CACNA2D3: variants seen among roughly 807,000 people sequenced by gnomAD.
CACNA2D3 encodes the protein calcium voltage-gated channel auxiliary subunit alpha2delta 3.
Under a neutral mutation model 160.6 loss-of-function variants are expected in CACNA2D3, and 60 were observed. The observed-to-expected ratio is 0.37, with a 90% CI of 0.30 to 0.46. The LOEUF is 0.46. Among genes scored for constraint, CACNA2D3 ranks in the 20% least tolerant of loss-of-function variants. The pLI is 1.00. For missense variants in CACNA2D3, 1,205 were observed against 1,365.0 expected, an observed-to-expected ratio of 0.88 and a Z score of 1.85; for synonymous variants, 558 against 492.9, an observed-to-expected ratio of 1.13 and a Z score of -1.75.
intron 9 of CACNA2D3, among the ~76,000 whole-genome samples, chr3:54,583,860 A>G (rs1702717468): frequency 1.3e-5 from 2 of 152,044 alleles, no homozygotes; most frequent in South Asian, 2.1e-4. Flanking sequence ...TATCCTGAAT[A>G]GAGCATTCCA....
At chr3:54,414,218 C>A (rs1468361304) in intron 4 of CACNA2D3, among the ~76,000 whole-genome samples, 2 of 151,868 alleles carry the variant, frequency 1.3e-5, no homozygotes, top group East Asian at 1.9e-4. Flanking sequence ...CTTATTCATT[C>A]CAAAAGAACT....
intron 35 of CACNA2D3, among the ~76,000 whole-genome samples, chr3:55,039,332 G>A (rs1290765202): frequency 6.6e-6 from 1 of 152,146 alleles, no homozygotes; most frequent in Non-Finnish European, 1.5e-5. Context: ...AAAAGACGCA[G>A]AAGAGTGAGA....
At chr3:54,529,493 G>A (rs925491144) in intron 5 of CACNA2D3, among the ~76,000 whole-genome samples, 1 of 152,342 alleles carries the variant, frequency 6.6e-6, no homozygotes. Context: ...TGAGCATGCT[G>A]ACATCAGCGG....
intron 3 of CACNA2D3, among the ~76,000 whole-genome samples, chr3:54,347,465 A>G (rs925852696): frequency 5.9e-5 from 9 of 152,204 alleles, no homozygotes; most frequent in Non-Finnish European, 1.0e-4. Flanking sequence ...AGTTCTTTAG[A>G]CGGCAACTTA....
At chr3:54,249,126 T>C (rs1702134594) in intron 2 of CACNA2D3, among the ~76,000 whole-genome samples, 1 of 152,168 alleles carries the variant, frequency 6.6e-6, no homozygotes, top group East Asian at 1.9e-4. Context: ...TTTCTAGTGT[T>C]GGATTTGGTT....
intron 4 of CACNA2D3, among the ~76,000 whole-genome samples, chr3:54,462,245 T>C (rs1700520130): frequency 6.6e-6 from 1 of 152,214 alleles, no homozygotes; most frequent in African/African-American, 2.4e-5. Flanking sequence ...GAAAAAAATG[T>C]ATATTCTGTT....
At chr3:54,423,138 C>T (rs956826923) in intron 4 of CACNA2D3, among the ~76,000 whole-genome samples, 13 of 152,018 alleles carry the variant, frequency 8.6e-5, no homozygotes, top group African/African-American at 2.7e-4. Flanking sequence ...TAGCTAAATA[C>T]GTCTATCATG....
chr3:54,493,060 C>CTTTTTT lies in CACNA2D3; in HGVS notation c.382-10403_382-10398dup, dbSNP rs34225864. On this transcript the variant is annotated intron_variant, in intron 4 of 37. Transcript: ENST00000474759. ...TGTATGTGGGAGGTATTGCTCAAAACTTTTTTTTTTTTTTTTTTTTTTTTT... is the reference window on the plus strand; with the variant it reads ...TGTATGTGGGAGGTATTGCTCAAAACTTTTTTTTTTTTTTTTTTTTTTTTTTTTTTT... Among the ~76,000 whole-genome samples the CTTTTTT allele has an allele frequency of 3.1e-4, 18 of 58,796 alleles. 3 individuals are homozygous for CTTTTTT. The highest frequency in any genetic ancestry group is 1.4e-3 in the African/African-American group (18 of 13,018). The allele number at this position is 58,796 out of a possible 152,430, so 38.6% of individuals were successfully genotyped here.
chr3:54,975,201 T>G (rs1702360556), intron 29 of CACNA2D3, among the ~76,000 whole-genome samples: 1 of 152,150 alleles, frequency 6.6e-6, no homozygotes, highest in Non-Finnish European at 1.5e-5. Context: ...TGTTTACAGT[T>G]AGACAAAGTA....
At chr3:54,706,903 C>T (rs1700865743) in intron 11 of CACNA2D3, among the ~76,000 whole-genome samples, 1 of 152,196 alleles carries the variant, frequency 6.6e-6, no homozygotes, top group South Asian at 2.1e-4. Context: ...ACTGTGAGAT[C>T]CATCACTCTG....
At position 54,570,094 on chromosome 3, in the gene CACNA2D3, A is replaced by G. The variant is rs374420641; in HGVS notation, c.878A>G (p.Asn293Ser). The change falls in exon 8 of 38, where the codon AAC becomes AGC. Residue 293 changes from asparagine (N) to serine (S), a missense_variant. This residue lies in a region of CACNA2D3 where 911 missense variants were observed against 1,002.2 expected (regional missense o/e 0.91). Transcript: ENST00000474759. The part of the protein sequence containing the change: ...LDTLGDDDFF[N>S]IIAYNEELHY... The stretch of plus-strand genomic sequence containing the variant: ...ACACTTGGGGATGATGACTTCTTCA[A>G]CATAATTGCTGTGAGTGCACCGTTT... 2.5e-6 allele frequency: 4 copies of G among 1,613,352 alleles called. No homozygotes were observed. Among genetic ancestry groups the G allele is most frequent in the African/African-American group, 1.3e-5 (1 of 75,038 alleles).
At chr3:54,381,113 A>C (rs1699096276) in intron 3 of CACNA2D3, among the ~76,000 whole-genome samples, 1 of 152,222 alleles carries the variant, frequency 6.6e-6, no homozygotes, top group Non-Finnish European at 1.5e-5. Flanking sequence ...AAACCACTAA[A>C]TATATTAAGT....
At chr3:54,188,784 A>T (rs932108957) in intron 2 of CACNA2D3, among the ~76,000 whole-genome samples, 1 of 152,114 alleles carries the variant, frequency 6.6e-6, no homozygotes, top group African/African-American at 2.4e-5. Context: ...TCCAAAATGG[A>T]TATATATTTA....
intron 23 of CACNA2D3, among the ~76,000 whole-genome samples, chr3:54,887,144 G>C (rs1012287827): frequency 7.2e-5 from 11 of 152,122 alleles, no homozygotes; most frequent in Admixed American, 2.0e-4. Flanking sequence ...AACAATTCTT[G>C]GCCGAGCGTG....
chr3:54,890,509 A>AAG lies in CACNA2D3; in HGVS notation c.2151-845_2151-844insGA, dbSNP rs1553907216. ...AGACTCCGTCTCAAAAAAAAAAAAA[A>AAG]AAAAAGAAAAAGAAAGAAAAAAAAT... On this transcript the variant is annotated intron_variant, in intron 24 of 37. Transcript: ENST00000474759. Among the ~76,000 whole-genome samples, 295 of 151,456 alleles carry AAG rather than the reference A, an allele frequency of 1.9e-3. 2 individuals carry two copies. Among genetic ancestry groups the AAG allele is most frequent in the African/African-American group, 6.5e-3 (269 of 41,236 alleles).
rs535878860 is a variant in CACNA2D3, at chr3:54,631,403, A to G, written c.1053+3527A>G. Among the ~76,000 whole-genome samples the G allele has an allele frequency of 7.9e-5, 12 of 152,358 alleles. No homozygotes were observed. The South Asian group carries it at 1.2e-3, about 16-fold the overall frequency. On this transcript the variant is annotated intron_variant, in intron 10 of 37. Coordinates refer to ENST00000474759, the MANE Select transcript of CACNA2D3 (RefSeq NM_018398.3). ...CAAACACAGAGGTGGTTAATCTCCCATGAAAATGAAGCTTTGTCTATTAAT... is the reference window on the plus strand; with the variant it reads ...CAAACACAGAGGTGGTTAATCTCCCGTGAAAATGAAGCTTTGTCTATTAAT...
At chr3:54,123,177 G>A (rs1699511424) in intron 1 of CACNA2D3, among the ~76,000 whole-genome samples, 1 of 151,992 alleles carries the variant, frequency 6.6e-6, no homozygotes, top group African/African-American at 2.4e-5. Flanking sequence ...GGGATGGGTG[G>A]ATTTCTTCTG....
chr3:54,599,556 T>G (rs1181927339), intron 9 of CACNA2D3, among the ~76,000 whole-genome samples: 1 of 152,058 alleles, frequency 6.6e-6, no homozygotes, highest in Admixed American at 6.5e-5. Flanking sequence ...TGAGTTTCTG[T>G]TTTTTCTTCC....
intron 3 of CACNA2D3, among the ~76,000 whole-genome samples, chr3:54,383,341 C>G (rs1025946617): frequency 6.6e-6 from 1 of 152,162 alleles, no homozygotes; most frequent in Admixed American, 6.5e-5. Context: ...TCTGAGTTCT[C>G]TCAGAAAATG....
Sources: gnomAD v4.1 joint callset for allele counts (sites outside exome capture counted in the v4.1 genomes callset) on GRCh38, gnomAD v4.1.1 for gene constraint, gnomAD v4.1.1 regional missense constraint, MANE v1.5 for transcripts, NCBI Gene and HGNC (gene_info 2026-07-23, HGNC 2026-07-21) for gene names.